Variants in ADARB2 observed in about 807,000 individuals in gnomAD.
ADARB2 encodes inactive double-stranded RNA-specific editase B2.
In ADARB2, 25 loss-of-function variants were observed where a neutral mutation model predicts 62.2. The ratio of observed to expected loss-of-function variants is 0.40; its 90% CI spans 0.29 to 0.56. The LOEUF is 0.56. Among genes scored for constraint, ADARB2 ranks in the 20% least tolerant of loss-of-function variants. The pLI, the probability that ADARB2 is intolerant of heterozygous loss-of-function variation, is 0.43. For synonymous variants in ADARB2, 572 were observed against 500.8 expected (o/e 1.14, Z -1.90); for missense variants, 1,071 against 1,077.4 (o/e 0.99, Z 0.08).
intron 4 of ADARB2, among the ~76,000 whole-genome samples, chr10:1,264,892 A>G (rs1831179768): frequency 6.6e-6 from 1 of 152,268 alleles, no homozygotes; most frequent in African/African-American, 2.4e-5. Flanking sequence ...TAAATGGGAA[A>G]GAATATTTAT....
intron 6 of ADARB2, among the ~76,000 whole-genome samples, chr10:1,231,374 TCA>T (rs1830802561): frequency 1.3e-5 from 2 of 152,218 alleles, no homozygotes; most frequent in African/African-American, 4.8e-5. Flanking sequence ...GTACCAGATT[TCA>T]CAGTTTTATA....
chr10:1,659,989 C>T (rs1436972733), intron 1 of ADARB2, among the ~76,000 whole-genome samples: 3 of 152,128 alleles, frequency 2.0e-5, no homozygotes, highest in Admixed American at 6.5e-5. Context: ...GCCTGCCTTC[C>T]TTCCTCTCCT....
chr10:1,214,157 GTA>G (rs1212390718), intron 7 of ADARB2, among the ~76,000 whole-genome samples: 1 of 142,924 alleles, frequency 7.0e-6, no homozygotes, highest in Non-Finnish European at 1.5e-5. Flanking sequence ...CCAGCGTAGT[GTA>G]GGTTTGCACC....
chr10:1,476,209 G>A (rs1057058792), intron 1 of ADARB2, among the ~76,000 whole-genome samples: 4 of 152,178 alleles, frequency 2.6e-5, no homozygotes, highest in African/African-American at 9.6e-5. Context: ...GAGAGAAAGG[G>A]AGAGATGAGG....
chr10:1,519,944 C>A (rs1369991996), intron 1 of ADARB2, among the ~76,000 whole-genome samples: 1 of 152,180 alleles, frequency 6.6e-6, no homozygotes, highest in Non-Finnish European at 1.5e-5. Context: ...AATGTCTTTT[C>A]AGAAGCTCAC....
intron 1 of ADARB2, among the ~76,000 whole-genome samples, chr10:1,483,020 G>A (rs777733685): frequency 6.6e-6 from 1 of 151,978 alleles, no homozygotes; most frequent in Non-Finnish European, 1.5e-5. Context: ...TCCTGTTTCT[G>A]GACATGATTT....
At chr10:1,298,716 G>A (rs895583857) in intron 3 of ADARB2, among the ~76,000 whole-genome samples, 3 of 123,370 alleles carry the variant, frequency 2.4e-5, no homozygotes, top group Admixed American at 9.1e-5. Flanking sequence ...CATGTGCGAC[G>A]GGAATTTTTT....
chr10:1,546,865 G>C (rs913640576), intron 1 of ADARB2, among the ~76,000 whole-genome samples: 4 of 152,258 alleles, frequency 2.6e-5, no homozygotes, highest in African/African-American at 9.6e-5. Context: ...CTAATGCCAG[G>C]CAAGGCGGGA....
intron 1 of ADARB2, among the ~76,000 whole-genome samples, chr10:1,633,748 A>G (rs1833879209): frequency 6.6e-6 from 1 of 152,174 alleles, no homozygotes; most frequent in African/African-American, 2.4e-5. Context: ...AAATTTTGTC[A>G]GTTGACTCTC....
chr10:1,669,275 G>C (rs1449302430), intron 1 of ADARB2, among the ~76,000 whole-genome samples: 2 of 152,184 alleles, frequency 1.3e-5, no homozygotes, highest in East Asian at 3.8e-4. Context: ...TGTCTCCCAG[G>C]GGGGTTGACA....
At chr10:1,231,207 GCA>G (rs1830801150) in intron 6 of ADARB2, among the ~76,000 whole-genome samples, 1 of 152,020 alleles carries the variant, frequency 6.6e-6, no homozygotes, top group African/African-American at 2.4e-5. Context: ...GGATAACTCA[GCA>G]CCAACCCCAA....
At chr10:1,302,317 C>A (rs1358954815) in intron 3 of ADARB2, among the ~76,000 whole-genome samples, 2 of 152,176 alleles carry the variant, frequency 1.3e-5, no homozygotes, top group African/African-American at 2.4e-5. Flanking sequence ...TGCGCTTTTC[C>A]GACGGGCTTA....
chr10:1,592,404 TAGGTCTCCTCTCTGGCATGGTCCCCTCTG>T lies in ADARB2; in HGVS notation c.100+144618_100+144646del, dbSNP rs1833271327. ...CTCCCTTCGCCCAAGCCACCCTCCA[TAGGTCTCCTCTCTGGCATGGTCCCCTCTG>T]TCACCCAGCTACCCTCGCCCAAGCC... On this transcript the variant is annotated intron_variant, in intron 1 of 9. Transcript: ENST00000381312. 3.1e-4 allele frequency among the ~76,000 whole-genome samples: 13 copies of T among 42,074 alleles called. 5 individuals are homozygous for T. In the East Asian group the frequency reaches 0.018, roughly 59 times the overall value. 27.6% of individuals were successfully genotyped at this position (42,074 alleles called of 152,430 possible).
chr10:1,461,288 A>G (rs1458797940), intron 1 of ADARB2, among the ~76,000 whole-genome samples: 1 of 152,154 alleles, frequency 6.6e-6, no homozygotes, highest in African/African-American at 2.4e-5. Flanking sequence ...CCCATTTAGG[A>G]GAACTTGTCC....
At chr10:1,483,330 G>A (rs2131926196) in intron 1 of ADARB2, among the ~76,000 whole-genome samples, 1 of 152,270 alleles carries the variant, frequency 6.6e-6, no homozygotes, top group South Asian at 2.1e-4. Context: ...TGAGCTCCAG[G>A]TCTTTTGGGA....
intron 1 of ADARB2, among the ~76,000 whole-genome samples, chr10:1,509,318 G>A (rs1168115072): frequency 6.6e-6 from 1 of 152,134 alleles, no homozygotes; most frequent in Non-Finnish European, 1.5e-5. Context: ...ATTCTTCAGA[G>A]GCTTGCTTTT....
intron 3 of ADARB2, among the ~76,000 whole-genome samples, chr10:1,274,266 G>A (rs1317198098): frequency 6.6e-6 from 1 of 152,246 alleles, no homozygotes; most frequent in Non-Finnish European, 1.5e-5. Context: ...TGGCAGCCTG[G>A]GGGCCACATC....
intron 1 of ADARB2, among the ~76,000 whole-genome samples, chr10:1,391,796 A>T (rs1832573606): frequency 9.1e-6 from 1 of 109,504 alleles, no homozygotes; most frequent in Non-Finnish European, 1.7e-5. Context: ...TTTTTGTGAG[A>T]CACAGTTTCA....
intron 1 of ADARB2, among the ~76,000 whole-genome samples, chr10:1,660,249 C>T (rs1231919025): frequency 6.6e-6 from 1 of 152,260 alleles, no homozygotes; most frequent in Non-Finnish European, 1.5e-5. Context: ...GGAGGATAAT[C>T]ATCAATCCCC....
Sources: gnomAD v4.1 joint callset for allele counts (sites outside exome capture counted in the v4.1 genomes callset) on GRCh38, gnomAD v4.1.1 for gene constraint, MANE v1.5 for transcripts, NCBI Gene and HGNC (gene_info 2026-07-23, HGNC 2026-07-21) for gene names.